Variants in USP50 observed in about 807,000 individuals in gnomAD.
USP50 encodes the protein ubiquitin carboxyl-terminal hydrolase 50.
In USP50, 37 loss-of-function variants were observed where a neutral mutation model predicts 39.2. The observed-to-expected ratio is 0.94, with a 90% confidence interval of 0.73 to 1.24. USP50 has a LOEUF of 1.24. Ranked by LOEUF, USP50 falls within the 50% of genes most tolerant of loss-of-function variation. USP50 has a pLI of 0.00. For synonymous variants in USP50, 139 were observed against 144.5 expected, an observed-to-expected ratio of 0.96 and a Z score of 0.27; for missense variants, 374 against 398.2, an observed-to-expected ratio of 0.94 and a Z score of 0.52.
chr15:50,500,976 C>T (rs2052574805), intron 6 of USP50, 139 bp from the exon 7 acceptor site: 4 of 713,042 alleles, frequency 5.6e-6, no homozygotes, highest in Non-Finnish European at 9.6e-6. Flanking sequence ...GTTGTTAAAT[C>T]ATGCATATAG....
intron 1 of USP50, among the ~76,000 whole-genome samples, chr15:50,495,017 T>TAAAAAAAAAAA: frequency 8.8e-6 from 1 of 113,514 alleles, no homozygotes; most frequent in Non-Finnish European, 1.9e-5. Flanking sequence ...AGACTCTTTC[T>TAAAAAAAAAAA]AAAAAAAAAA....
At position 50,538,831 on chromosome 15, in the gene USP50, A is replaced by C. The variant is rs547717490; in HGVS notation, c.681T>G (p.Phe227Leu). The C allele has an allele frequency of 3.7e-6, 6 of 1,609,920 alleles. No homozygotes were observed. The East Asian group carries it at 1.3e-4, about 36-fold the overall frequency. The change falls in exon 5 of 7, where the codon TTT becomes TTG. Residue 227 changes from phenylalanine (F) to leucine (L), a missense_variant. Transcript: ENST00000532404. ...TGTTCCAGGTCAGTGCGTCTTGTTG[A>C]AAAAAACATTGGAGACAGTCCTGTT... is the stretch of plus-strand genomic sequence containing the variant. Reference protein sequence around the residue: ...CSLRDCLQCFFQQDALTWNNE... With the variant: ...CSLRDCLQCFLQQDALTWNNE...
chr15:50,525,600 G>GTATATATGTATATGTA (rs1232158756), intron 6 of USP50, among the ~76,000 whole-genome samples: 1 of 142,846 alleles, frequency 7.0e-6, no homozygotes, highest in African/African-American at 2.6e-5. Flanking sequence ...ATGTATATAT[G>GTATATATGTATATGTA]TATATGTATA....
intron 2 of USP50, 137 bp from the exon 3 acceptor site, chr15:50,543,930 A>G (rs889588059): frequency 1.4e-5 from 11 of 770,646 alleles, no homozygotes; most frequent in Non-Finnish European, 2.1e-5. Flanking sequence ...TGGGAGGCCA[A>G]TGCAGGAGGA....
At chr15:50,539,073 T>C (rs554892170) in intron 4 of USP50, among the ~76,000 whole-genome samples, 6 of 152,136 alleles carry the variant, frequency 3.9e-5, no homozygotes, top group African/African-American at 1.2e-4. Context: ...TTTGAGTGCC[T>C]ACCTCACTTA....
Position 50,544,702 on chromosome 15 carries a change from C to T in USP50, c.133G>A (p.Gly45Ser), listed in dbSNP as rs1429998354. The change falls in exon 2 of 7, where the codon GGC becomes AGC. Residue 45 changes from glycine to serine, a missense_variant. By Grantham distance (56) the Gly-to-Ser change is moderately conservative. Transcript: ENST00000532404. ...GNQPHFQGVTGLWNLGNTCCV... is the reference protein window; with the variant it reads ...GNQPHFQGVTSLWNLGNTCCV... Reference sequence around the variant, plus strand: ...CATGTGTTGCCCAAGTTCCACAAGCCAGTGACACCCTGAAAATGGGGCTGG... The same window carrying T: ...CATGTGTTGCCCAAGTTCCACAAGCTAGTGACACCCTGAAAATGGGGCTGG... The T allele has an allele frequency of 6.2e-7, 1 of 1,613,848 alleles. No homozygotes were observed. Among genetic ancestry groups the T allele is most frequent in the African/African-American group, 1.3e-5 (1 of 74,894 alleles).
chr15:50,538,601 A>G (rs2141377565), intron 5 of USP50, 108 bp downstream of exon 5: 7 of 1,199,484 alleles, frequency 5.8e-6, no homozygotes, highest in Non-Finnish European at 6.8e-6. Context: ...GTAATATACC[A>G]AATATCATTG....
chr15:50,493,633 T>C (rs1436776951), downstream of USP50: 2 of 389,972 alleles, frequency 5.1e-6, no homozygotes, highest in Admixed American at 3.4e-5. Context: ...TAGTCCCTGC[T>C]ACTTGGGAGG....
chr15:50,546,632 T>C lies in USP50; in HGVS notation c.-107A>G. ...ACGCTGGCTTTTTGTTTTAAACAAT[T>C]GATATGCTCCTCTCTCTTCCAGTAG... On this transcript the variant is annotated 5_prime_UTR_variant, in exon 1 of 7. Transcript: ENST00000532404. The C allele has an allele frequency of 8.2e-7, 1 of 1,212,972 alleles. No individual in the cohort carries two copies. The highest frequency in any genetic ancestry group is 1.8e-5 in the Admixed American group (1 of 55,222). 75.1% of individuals were successfully genotyped at this position (1,212,972 alleles called of 1,614,324 possible). A position where few individuals can be genotyped will look rare whatever the true frequency, so the allele number is the denominator to read the frequency against.
chr15:50,499,201 A>G, downstream of USP50: 1 of 1,061,498 alleles, frequency 9.4e-7, no homozygotes, highest in Non-Finnish European at 1.3e-6. Context: ...ATTCTAGGAC[A>G]GTGGGAGCTG....
intron 6 of USP50, among the ~76,000 whole-genome samples, chr15:50,527,799 TA>T (rs1258284064): frequency 6.6e-6 from 1 of 151,636 alleles, no homozygotes; most frequent in African/African-American, 2.4e-5. Flanking sequence ...CACACCCAGC[TA>T]ATTTTTTTGT....
At chr15:50,533,968 C>T (rs1213649337) in intron 5 of USP50, among the ~76,000 whole-genome samples, 1 of 152,012 alleles carries the variant, frequency 6.6e-6, no homozygotes, top group Non-Finnish European at 1.5e-5. Flanking sequence ...CCACTGCCCT[C>T]CAGGCTGGGC....
intron 6 of USP50, chr15:50,511,797 G>GA (rs1404133791): frequency 4.6e-5 from 7 of 152,230 alleles, no homozygotes; most frequent in Non-Finnish European, 1.0e-4. Flanking sequence ...TGGAGTTTGA[G>GA]ACCAGCCTGG....
downstream of USP50, chr15:50,493,637 T>G (rs1219895195): frequency 7.8e-6 from 3 of 386,156 alleles, no homozygotes; most frequent in Admixed American, 1.0e-4. Flanking sequence ...CCCTGCTACT[T>G]GGGAGGCTAA....
intron 6 of USP50, among the ~76,000 whole-genome samples, chr15:50,528,612 G>T (rs1352902528): frequency 6.6e-6 from 1 of 152,160 alleles, no homozygotes; most frequent in Non-Finnish European, 1.5e-5. Flanking sequence ...AGAAGAGGAT[G>T]CCACTCTAGA....
At chr15:50,521,086 G>A (rs1377956390) in intron 6 of USP50, among the ~76,000 whole-genome samples, 1 of 152,176 alleles carries the variant, frequency 6.6e-6, no homozygotes, top group East Asian at 1.9e-4. Flanking sequence ...CCGTTGCCCA[G>A]GCTGGAGTAC....
intron 1 of USP50, among the ~76,000 whole-genome samples, chr15:50,495,226 A>T (rs1178052185): frequency 1.5e-5 from 2 of 130,310 alleles, no homozygotes; most frequent in Non-Finnish European, 3.4e-5. Flanking sequence ...ACACAAAAAT[A>T]TTTGTGTATA....
chr15:50,519,102 C>A (rs568299998), intron 6 of USP50, among the ~76,000 whole-genome samples: 6 of 151,864 alleles, frequency 4.0e-5, no homozygotes, highest in Non-Finnish European at 7.4e-5. Flanking sequence ...GCCTGAGCAG[C>A]ATGGTGAAAT....
chr15:50,535,135 TCACACACA>T (rs113407791), intron 5 of USP50, among the ~76,000 whole-genome samples: 1 of 144,516 alleles, frequency 6.9e-6, no homozygotes, highest in Non-Finnish European at 1.5e-5. Context: ...TGAAACTCTG[TCACACACA>T]CACACACACA....
Sources: gnomAD v4.1 joint callset for allele counts (sites outside exome capture counted in the v4.1 genomes callset) on GRCh38, gnomAD v4.1.1 for gene constraint, MANE v1.5 for transcripts, NCBI Gene and HGNC (gene_info 2026-07-23, HGNC 2026-07-21) for gene names.